Variants in AIDA observed in about 807,000 individuals in gnomAD.
The protein encoded by AIDA is axin interactor, dorsalization-associated protein.
A neutral mutation model predicts 42.7 loss-of-function variants in AIDA; 18 were observed. The observed-to-expected ratio is 0.42, with a 90% confidence interval of 0.29 to 0.63. AIDA has a LOEUF of 0.63. Among genes scored for constraint, AIDA ranks in the 20% least tolerant of loss-of-function variants. AIDA has a pLI of 0.19. For missense variants in AIDA, 250 were observed against 354.1 expected (o/e 0.71, Z 2.36); for synonymous variants, 104 against 122.9 (o/e 0.85, Z 1.02).
At chr1:222,675,282 C>CA (rs1664524022) in intron 7 of AIDA, among the ~76,000 whole-genome samples, 1 of 152,300 alleles carries the variant, frequency 6.6e-6, no homozygotes, top group Non-Finnish European at 1.5e-5. Flanking sequence ...AGGAGTATGA[C>CA]AACTTCATTC....
In AIDA at chr1:222,712,450, G is replaced by C; in HGVS notation, c.-133C>G. The C allele has an allele frequency of 7.0e-7, 1 of 1,433,268 alleles. No homozygotes were observed. Among genetic ancestry groups the C allele is most frequent in the South Asian group, 1.5e-5 (1 of 67,200 alleles). 88.8% of individuals were successfully genotyped at this position (1,433,268 alleles called of 1,614,324 possible). On this transcript the variant is annotated 5_prime_UTR_variant, in exon 1 of 10. Transcript: ENST00000340020. ...GCTACGGCCACCACCGCCACCCGCC[G>C]AGGAGCCGCCCAAGCCCATTTGCCG...
At chr1:222,702,173 G>A (rs1412295713) in intron 2 of AIDA, among the ~76,000 whole-genome samples, 1 of 152,070 alleles carries the variant, frequency 6.6e-6, no homozygotes, top group Non-Finnish European at 1.5e-5. Context: ...ATCTTTAGGG[G>A]CTTCTTCTTC....
Position 222,687,196 on chromosome 1 carries a change from G to A in AIDA, c.354-160C>T, listed in dbSNP as rs113136885. The A allele has an allele frequency of 3.4e-3, 2,341 of 681,112 alleles. 47 individuals are homozygous for A. The African/African-American group carries it at 0.043, about 13-fold the overall frequency. 42.2% of individuals were successfully genotyped at this position (681,112 alleles called of 1,614,324 possible). ...TGTAATCCTAGCACTTTTGGAGGCC[G>A]AGGCGGGCAGACTGCCTGAGCTCAG... On this transcript the variant is annotated intron_variant, in intron 5 of 9. Transcript: ENST00000340020.
chr1:222,687,100 C>A lies in AIDA; in HGVS notation c.354-64G>T, dbSNP rs897806279. The A allele has an allele frequency of 5.7e-6, 9 of 1,565,984 alleles. No homozygotes were observed. In the African/African-American group the frequency reaches 1.2e-4, roughly 21 times the overall value. On this transcript the variant is annotated intron_variant, in intron 5 of 9. Coordinates refer to ENST00000340020, the MANE Select transcript of AIDA (RefSeq NM_022831.4). ...AACTAAATATACTAGTGAAGCCTCA[C>A]AGACACTCGTTTCCCAGGCAAGATG...
At chr1:222,710,085 T>A (rs1571946001) in intron 1 of AIDA, among the ~76,000 whole-genome samples, 1 of 152,154 alleles carries the variant, frequency 6.6e-6, no homozygotes, top group Non-Finnish European at 1.5e-5. Context: ...TCAATTCTTG[T>A]TTACATCATT....
At position 222,693,241 on chromosome 1, in the gene AIDA, A is replaced by G. The variant is rs1380192005; in HGVS notation, c.289+548T>C. Among the ~76,000 whole-genome samples, 4 of 152,188 alleles carry G rather than the reference A, an allele frequency of 2.6e-5. No individual in the cohort carries two copies. The East Asian group carries it at 7.7e-4, about 29-fold the overall frequency. The stretch of plus-strand genomic sequence containing the variant: ...TATTGATTTATATTCATTTAGTTTT[A>G]TATTCAACTCTTGTGCATTTGCCCA... On this transcript the variant is annotated intron_variant, in intron 4 of 9. Coordinates refer to ENST00000340020, the MANE Select transcript of AIDA (RefSeq NM_022831.4).
intron 2 of AIDA, among the ~76,000 whole-genome samples, chr1:222,699,434 C>T (rs1655621044): frequency 6.6e-6 from 1 of 152,192 alleles, no homozygotes; most frequent in Non-Finnish European, 1.5e-5. Context: ...TTTCAGAACA[C>T]TGGACTCAAT....
rs146024435 is a variant in AIDA at position 222,686,065 on chromosome 1, T to A, written c.460+865A>T. 3.9e-3 allele frequency among the ~76,000 whole-genome samples: 590 copies of A among 152,210 alleles called. 6 individuals are homozygous for A. The highest frequency in any genetic ancestry group is 0.013 in the African/African-American group (554 of 41,546). On this transcript the variant is annotated intron_variant, in intron 6 of 9. Transcript: ENST00000340020. ...ATCCCAGCTACTTGGGAGGCTGAGATGCGAGAATTGCTTGAAACCTGGGAG... is the reference window on the plus strand; with the variant it reads ...ATCCCAGCTACTTGGGAGGCTGAGAAGCGAGAATTGCTTGAAACCTGGGAG...
At chr1:222,671,360 A>G (rs1664446166) in intron 8 of AIDA, among the ~76,000 whole-genome samples, 1 of 152,238 alleles carries the variant, frequency 6.6e-6, no homozygotes, top group African/African-American at 2.4e-5. Context: ...GCCAACAAAA[A>G]TGAATTTCTA....
intron 4 of AIDA, among the ~76,000 whole-genome samples, chr1:222,692,807 G>T (rs114305166): frequency 0.017 from 2,639 of 152,314 alleles, 41 homozygotes; most frequent in South Asian, 0.065. Flanking sequence ...ACAGGGTCAT[G>T]AAGAGATATG....
intron 4 of AIDA, among the ~76,000 whole-genome samples, chr1:222,692,843 G>A (rs984695622): frequency 2.0e-5 from 3 of 152,168 alleles, no homozygotes; most frequent in East Asian, 3.8e-4. Flanking sequence ...GTATGTGACT[G>A]AGGATTATTA....
chr1:222,686,990 C>A lies in AIDA; in HGVS notation c.400G>T (p.Asp134Tyr), dbSNP rs1655212526. Residue 134 changes from aspartate to tyrosine, a missense_variant, in exon 6 of 10, where the codon GAT becomes TAT. Coordinates refer to ENST00000340020, the MANE Select transcript of AIDA (RefSeq NM_022831.4). The stretch of plus-strand genomic sequence containing the variant: ...GCTCCAGCACCACCCTCTTCTTCAT[C>A]TTCTTCAAATTCCAAATTCTCTTCT... ...GEEENLEFEE[D>Y]EEEGGAGAGS... is the part of the protein sequence containing the mutation. 1 of 1,613,786 alleles carries A rather than the reference C, an allele frequency of 6.2e-7. No homozygotes were observed. Among genetic ancestry groups the A allele is most frequent in the South Asian group, 1.1e-5 (1 of 91,020 alleles).
intron 6 of AIDA, among the ~76,000 whole-genome samples, chr1:222,682,588 A>T (rs967698295): frequency 6.6e-6 from 1 of 152,166 alleles, no homozygotes; most frequent in African/African-American, 2.4e-5. Context: ...ACATATGATA[A>T]TATATATACC....
At chr1:222,672,335 CAAATCAATAGTTTTGTTCAGAAG>C (rs1356420204) in intron 8 of AIDA, among the ~76,000 whole-genome samples, 1 of 152,172 alleles carries the variant, frequency 6.6e-6, no homozygotes, top group Non-Finnish European at 1.5e-5. Flanking sequence ...AGAAATGAAA[CAAATCAATAGTTTTGTTCAGAAG>C]ACATACTTTG....
intron 6 of AIDA, among the ~76,000 whole-genome samples, chr1:222,680,805 G>T (rs1420057033): frequency 6.6e-6 from 1 of 151,720 alleles, no homozygotes; most frequent in Non-Finnish European, 1.5e-5. Flanking sequence ...CTTAAAAAAG[G>T]CTCAAAAAGG....
At chr1:222,690,727 T>C (rs1655347976) in intron 4 of AIDA, among the ~76,000 whole-genome samples, 4 of 151,442 alleles carry the variant, frequency 2.6e-5, no homozygotes, top group Admixed American at 6.6e-5. Flanking sequence ...ATCTATACCT[T>C]CTTATATATA....
rs144047591 is a variant in AIDA at position 222,680,076 on chromosome 1, G to T, written c.461-3858C>A. On this transcript the variant is annotated intron_variant, in intron 6 of 9. Coordinates refer to ENST00000340020, the MANE Select transcript of AIDA (RefSeq NM_022831.4). ...ATATGCACTAAAGACAATAAAATAC[G>T]AGGATAATACTACACCATCTGCAGC... is the stretch of plus-strand genomic sequence containing the variant. 1.5e-3 allele frequency among the ~76,000 whole-genome samples: 226 copies of T among 152,256 alleles called. 6 individuals carry two copies. In the South Asian group the frequency reaches 0.021, roughly 14 times the overall value.
chr1:222,702,214 C>T (rs555414676), intron 2 of AIDA, among the ~76,000 whole-genome samples: 7 of 152,118 alleles, frequency 4.6e-5, no homozygotes, highest in Middle Eastern at 3.4e-3. Flanking sequence ...GTCAAATGAA[C>T]GTAGATGAAT....
chr1:222,703,830 T>G (rs189241703), intron 1 of AIDA, among the ~76,000 whole-genome samples: 1 of 152,316 alleles, frequency 6.6e-6, no homozygotes, highest in Non-Finnish European at 1.5e-5. Context: ...AGTGGATGGA[T>G]CTATATTATT....
Sources: gnomAD v4.1 joint callset for allele counts (sites outside exome capture counted in the v4.1 genomes callset) on GRCh38, gnomAD v4.1.1 for gene constraint, MANE v1.5 for transcripts, NCBI Gene and HGNC (gene_info 2026-07-23, HGNC 2026-07-21) for gene names.